The following THSD7B variants were observed in gnomAD, a reference collection of about 807,000 sequenced individuals.
THSD7B encodes the protein thrombospondin type 1 domain containing 7B.
Under a neutral mutation model 213.6 loss-of-function variants are expected in THSD7B, and 138 were observed. The observed-to-expected ratio is 0.65, with a 90% CI of 0.56 to 0.74. THSD7B has a LOEUF of 0.74. THSD7B is among the 30% of genes least tolerant of loss of function. The pLI, the probability that THSD7B is intolerant of heterozygous loss-of-function variation, is 0.00. For synonymous variants in THSD7B, 742 were observed against 687.0 expected, an observed-to-expected ratio of 1.08 and a Z score of -1.25; for missense variants, 1,931 against 1,991.5, an observed-to-expected ratio of 0.97 and a Z score of 0.58.
chr2:136,815,308 A>G (rs76356384), intron 1 of THSD7B, among the ~76,000 whole-genome samples: 1,623 of 152,326 alleles, frequency 0.011, 31 homozygotes, highest in African/African-American at 0.037. Context: ...TCAGGCAAAA[A>G]GATGGTCAAT....
At chr2:136,824,790 G>A (rs1337042861) in intron 1 of THSD7B, among the ~76,000 whole-genome samples, 1 of 152,164 alleles carries the variant, frequency 6.6e-6, no homozygotes, top group East Asian at 1.9e-4. Context: ...TAACTCCCTA[G>A]CTATGCATCT....
chr2:137,427,019 C>G (rs1687074655), intron 14 of THSD7B, among the ~76,000 whole-genome samples: 1 of 151,812 alleles, frequency 6.6e-6, no homozygotes, highest in Admixed American at 6.6e-5. Flanking sequence ...GGAAGACATA[C>G]AAACAGCCAA....
intron 17 of THSD7B, among the ~76,000 whole-genome samples, chr2:137,609,343 A>T (rs760162172): frequency 6.6e-6 from 1 of 152,238 alleles, no homozygotes; most frequent in Non-Finnish European, 1.5e-5. Context: ...AACATGGAAG[A>T]GTTGCTGATA....
intron 12 of THSD7B, among the ~76,000 whole-genome samples, chr2:137,304,406 C>T (rs1385581301): frequency 6.6e-6 from 1 of 152,000 alleles, no homozygotes; most frequent in Non-Finnish European, 1.5e-5. Flanking sequence ...ATGCAACTTA[C>T]TTTCATTTTA....
intron 12 of THSD7B, among the ~76,000 whole-genome samples, chr2:137,306,343 A>G (rs11904763): frequency 0.014 from 2,168 of 152,256 alleles, 29 homozygotes; most frequent in East Asian, 0.058. Context: ...ATGGAATTCT[A>G]GGAACTGTAA....
At chr2:137,493,120 CTCAAAAAAA>C (rs1197472416) in intron 15 of THSD7B, among the ~76,000 whole-genome samples, 17 of 24,988 alleles carry the variant, frequency 6.8e-4, no homozygotes, top group African/African-American at 1.6e-3. Flanking sequence ...CACTCTCTCT[CTCAAAAAAA>C]AAAAAAAAAA....
chr2:137,392,284 C>A (rs2104980386), intron 12 of THSD7B, among the ~76,000 whole-genome samples: 1 of 152,288 alleles, frequency 6.6e-6, no homozygotes, highest in African/African-American at 2.4e-5. Flanking sequence ...AAGTCCAATT[C>A]ACATCCATTG....
At chr2:137,058,336 A>G (rs1215157731) in intron 3 of THSD7B, among the ~76,000 whole-genome samples, 4 of 152,130 alleles carry the variant, frequency 2.6e-5, no homozygotes, top group Admixed American at 6.5e-5. Context: ...AATTTGTTTG[A>G]ATGTGTGTGG....
Position 137,675,033 on chromosome 2 carries a change from A to G in THSD7B, c.4740-1491A>G, listed in dbSNP as rs78736655. On this transcript the variant is annotated intron_variant, in intron 27 of 27. Coordinates refer to ENST00000409968, the MANE Select transcript of THSD7B (RefSeq NM_001316349.2). ...AACTTTTTATTGCAGTAAAATTCAC[A>G]TAACATAAAATTCACAATTTTAGCC... Among the ~76,000 whole-genome samples, 842 of 152,034 alleles carry G rather than the reference A, an allele frequency of 5.5e-3. 6 individuals are homozygous for G. The highest frequency in any genetic ancestry group is 0.019 in the African/African-American group (804 of 41,296).
rs1681932622 is a variant in THSD7B, at chr2:137,242,442, T to G, written c.2151-15T>G. ...CTCTCAAAAAGGCATTGACATGGTCTTTTCACATTGACAGATGTCCAGATT... is the reference window on the plus strand; with the variant it reads ...CTCTCAAAAAGGCATTGACATGGTCGTTTCACATTGACAGATGTCCAGATT... On this transcript the variant is annotated splice_polypyrimidine_tract_variant and intron_variant, in intron 9 of 27. Coordinates refer to ENST00000409968, the MANE Select transcript of THSD7B (RefSeq NM_001316349.2). 1 of 1,605,280 alleles carries G rather than the reference T, an allele frequency of 6.2e-7. No homozygotes were observed. Among genetic ancestry groups the G allele is most frequent in the Non-Finnish European group, 8.5e-7 (1 of 1,172,156 alleles).
chr2:137,467,765 A>T (rs1688021629), intron 15 of THSD7B, among the ~76,000 whole-genome samples: 1 of 152,176 alleles, frequency 6.6e-6, no homozygotes, highest in African/African-American at 2.4e-5. Flanking sequence ...AGTTGCATTG[A>T]CCAGGGCTCT....
intron 7 of THSD7B, among the ~76,000 whole-genome samples, chr2:137,206,928 G>A (rs1680996085): frequency 6.6e-6 from 1 of 152,036 alleles, no homozygotes; most frequent in Admixed American, 6.6e-5. Flanking sequence ...TCTAATTAAA[G>A]CAGGAATGTA....
At chr2:137,242,121 T>C (rs1173945765) in intron 9 of THSD7B, among the ~76,000 whole-genome samples, 1 of 152,192 alleles carries the variant, frequency 6.6e-6, no homozygotes, top group Non-Finnish European at 1.5e-5. Flanking sequence ...TAAAATAATA[T>C]TTCAGTTTTT....
chr2:137,312,601 G>A (rs1001541553), intron 12 of THSD7B, among the ~76,000 whole-genome samples: 7 of 150,958 alleles, frequency 4.6e-5, no homozygotes, highest in African/African-American at 1.7e-4. Context: ...GTGATGTCAG[G>A]GTGTCAATTT....
intron 14 of THSD7B, among the ~76,000 whole-genome samples, chr2:137,413,267 GT>G (rs1159581771): frequency 6.6e-6 from 1 of 152,066 alleles, no homozygotes; most frequent in Middle Eastern, 3.2e-3. Context: ...GCTAATCTTT[GT>G]TTTTTAGCTT....
intron 5 of THSD7B, among the ~76,000 whole-genome samples, chr2:137,124,945 A>C (rs1473188574): frequency 6.6e-6 from 1 of 152,176 alleles, no homozygotes; most frequent in Non-Finnish European, 1.5e-5. Context: ...GCACAAAAAA[A>C]ATCTTTTGAA....
intron 15 of THSD7B, among the ~76,000 whole-genome samples, chr2:137,506,925 C>G (rs1679850468): frequency 6.6e-6 from 1 of 152,212 alleles, no homozygotes. Flanking sequence ...CAGACCCACT[C>G]ATCTCCAGAG....
intron 1 of THSD7B, among the ~76,000 whole-genome samples, chr2:136,793,504 G>A (rs1279013181): frequency 1.3e-5 from 2 of 151,866 alleles, no homozygotes; most frequent in African/African-American, 4.8e-5. Flanking sequence ...TTGTTTAATG[G>A]CATCTTTGAA....
chr2:137,271,308 T>C (rs1278436766), intron 10 of THSD7B, among the ~76,000 whole-genome samples: 1 of 150,188 alleles, frequency 6.7e-6, no homozygotes. Context: ...TGTAAATAAA[T>C]GCCTTGCACT....
Sources: gnomAD v4.1 joint callset for allele counts (sites outside exome capture counted in the v4.1 genomes callset) on GRCh38, gnomAD v4.1.1 for gene constraint, MANE v1.5 for transcripts, NCBI Gene and HGNC (gene_info 2026-07-23, HGNC 2026-07-21) for gene names.